Variants in PTPN12 observed in about 807,000 individuals in gnomAD.
PTPN12 encodes protein tyrosine phosphatase non-receptor type 12.
A neutral mutation model predicts 97.6 loss-of-function variants in PTPN12; 29 were observed. The observed-to-expected ratio is 0.30, with a 90% CI of 0.22 to 0.41. PTPN12 has a LOEUF of 0.41. PTPN12 is among the 10% of genes least tolerant of loss of function. The pLI is 1.00. For synonymous variants in PTPN12, 327 were observed against 300.4 expected (o/e 1.09, Z -0.91); for missense variants, 819 against 926.0 (o/e 0.88, Z 1.50).
chr7:77,595,323 T>C (rs1341091729), intron 6 of PTPN12, among the ~76,000 whole-genome samples: 1 of 152,202 alleles, frequency 6.6e-6, no homozygotes, highest in East Asian at 1.9e-4. Flanking sequence ...GGTAAAAATA[T>C]TCGTAGTAAG....
In PTPN12 at chr7:77,564,032, G is replaced by A. The variant is rs923673047; in HGVS notation, c.100-7046G>A. On this transcript the variant is annotated intron_variant, in intron 1 of 17. Coordinates refer to ENST00000248594, the MANE Select transcript of PTPN12 (RefSeq NM_002835.4). ...AGCTGGGACTACGGGCACACACCAC[G>A]AGGCTTGGCTAATTTTTGTATTTTT... 19 of 302,068 alleles carry A rather than the reference G, an allele frequency of 6.3e-5. 1 individual carries two copies. Among genetic ancestry groups the A allele is most frequent in the South Asian group, 3.9e-4 (16 of 41,078 alleles). The allele number at this position is 302,068 out of a possible 1,614,324, so 18.7% of individuals were successfully genotyped here.
chr7:77,620,374 T>C lies in PTPN12; in HGVS notation c.1025+1809T>C, dbSNP rs138526438. On this transcript the variant is annotated intron_variant, in intron 12 of 17. Coordinates refer to ENST00000248594, the MANE Select transcript of PTPN12 (RefSeq NM_002835.4). ...AAAAAATATTCAACTCAAGACAGAT[T>C]TTTATTAGGCATACATTCTAAAAGT... 2.0e-5 allele frequency among the ~76,000 whole-genome samples: 3 copies of C among 152,286 alleles called. No individual in the cohort carries two copies. In the East Asian group the frequency reaches 5.8e-4, roughly 29 times the overall value.
At chr7:77,597,798 G>T in intron 6 of PTPN12, 44 bp from the exon 7 acceptor site, 1 of 1,582,364 alleles carries the variant, frequency 6.3e-7, no homozygotes, top group Non-Finnish European at 8.6e-7. Flanking sequence ...GTGTCTTTTT[G>T]TTTTAACGTT....
intron 12 of PTPN12, among the ~76,000 whole-genome samples, chr7:77,620,879 C>T (rs1788909726): frequency 6.6e-6 from 1 of 152,000 alleles, no homozygotes; most frequent in Non-Finnish European, 1.5e-5. Flanking sequence ...ACCCAGGAAG[C>T]GAAGGTGCCA....
At chr7:77,628,616 T>C (rs1789286009) in intron 13 of PTPN12, among the ~76,000 whole-genome samples, 1 of 151,530 alleles carries the variant, frequency 6.6e-6, no homozygotes, top group Non-Finnish European at 1.5e-5. Flanking sequence ...AGTCTTGCAC[T>C]GTCACCCAGG....
chr7:77,595,400 C>T (rs987005401), intron 6 of PTPN12, among the ~76,000 whole-genome samples: 8 of 152,216 alleles, frequency 5.3e-5, no homozygotes, highest in South Asian at 4.1e-4. Flanking sequence ...AGCTCTCTCT[C>T]GATGTGGGAT....
At chr7:77,598,237 A>G (rs1245701301) in intron 7 of PTPN12, among the ~76,000 whole-genome samples, 1 of 151,762 alleles carries the variant, frequency 6.6e-6, no homozygotes, top group Non-Finnish European at 1.5e-5. Flanking sequence ...AATAGTTTTC[A>G]AAGAGAAGAC....
Position 77,632,387 on chromosome 7 carries a change from A to G in PTPN12, c.2036A>G (p.Glu679Gly). 1 of 1,611,692 alleles carries G rather than the reference A, an allele frequency of 6.2e-7. No individual in the cohort carries two copies. The highest frequency in any genetic ancestry group is 8.5e-7 in the Non-Finnish European group (1 of 1,177,918). The change falls in exon 14 of 18, where the codon GAA becomes GGA. Residue 679 changes from glutamate to glycine, a missense_variant. Physicochemically the swap from Glu to Gly is moderately conservative, Grantham distance 98. Transcript: ENST00000248594. Reference sequence around the variant, plus strand: ...GAAGATTCACCTCCTCCCCTACCTGAAAGAACTCCTGAATCGTTTGTGTTA... The same window carrying G: ...GAAGATTCACCTCCTCCCCTACCTGGAAGAACTCCTGAATCGTTTGTGTTA... ...VSEDSPPPLPERTPESFVLAS... is the reference protein window; with the variant it reads ...VSEDSPPPLPGRTPESFVLAS...
intron 1 of PTPN12, among the ~76,000 whole-genome samples, chr7:77,550,412 T>G (rs1005473023): frequency 6.6e-6 from 1 of 152,154 alleles, no homozygotes; most frequent in African/African-American, 2.4e-5. Flanking sequence ...AATTAAAATA[T>G]AAAGTTAATT....
At chr7:77,609,687 T>G in intron 9 of PTPN12, among the ~76,000 whole-genome samples, 1 of 151,524 alleles carries the variant, frequency 6.6e-6, no homozygotes. Flanking sequence ...GAGACCACCC[T>G]GGCTAACACG....
chr7:77,608,007 G>A (rs191724130), intron 9 of PTPN12, among the ~76,000 whole-genome samples: 23 of 152,230 alleles, frequency 1.5e-4, no homozygotes, highest in Middle Eastern at 3.4e-3. Flanking sequence ...CACTCATCTC[G>A]GCCTTCCAAA....
At chr7:77,612,055 C>T (rs1788588028) in intron 11 of PTPN12, among the ~76,000 whole-genome samples, 1 of 151,256 alleles carries the variant, frequency 6.6e-6, no homozygotes, top group African/African-American at 2.4e-5. Context: ...ATTGTTAAAC[C>T]AAGTATGAGA....
intron 17 of PTPN12, 49 bp from the exon 18 acceptor site, chr7:77,639,170 T>G: frequency 7.0e-7 from 1 of 1,421,140 alleles, no homozygotes; most frequent in East Asian, 2.3e-5. Flanking sequence ...TTTAGTAGTT[T>G]GAAAGTATTT....
chr7:77,555,346 T>C (rs1024739251), intron 1 of PTPN12, among the ~76,000 whole-genome samples: 1 of 152,140 alleles, frequency 6.6e-6, no homozygotes, highest in African/African-American at 2.4e-5. Flanking sequence ...GGGGAAATTT[T>C]CAATCATTAT....
At chr7:77,571,251 G>GT (rs1281079502) in intron 2 of PTPN12, 65 bp downstream of exon 2, 1 of 935,506 alleles carries the variant, frequency 1.1e-6, no homozygotes, top group Non-Finnish European at 1.6e-6. Context: ...AACCTAACTA[G>GT]TTTTATTCTT....
At chr7:77,548,658 C>T (rs912612605) in intron 1 of PTPN12, among the ~76,000 whole-genome samples, 1 of 152,118 alleles carries the variant, frequency 6.6e-6, no homozygotes, top group Non-Finnish European at 1.5e-5. Context: ...ACTTCCTACC[C>T]CCCTAGAGTA....
Position 77,627,685 on chromosome 7 carries a change from T to C in PTPN12, c.1996+10T>C, listed in dbSNP as rs778417014. The C allele has an allele frequency of 1.3e-6, 2 of 1,539,950 alleles. No homozygotes were observed. Among genetic ancestry groups the C allele is most frequent in the East Asian group, 2.3e-5 (1 of 44,214 alleles). On this transcript the variant is annotated intron_variant, in intron 13 of 17. Transcript: ENST00000248594. ...TCAGGTGCTGAAAAAGGTAATAATATAGTGTCAAATACTTAAATGTCTTTC... is the reference window on the plus strand; with the variant it reads ...TCAGGTGCTGAAAAAGGTAATAATACAGTGTCAAATACTTAAATGTCTTTC...
intron 8 of PTPN12, among the ~76,000 whole-genome samples, chr7:77,602,190 G>A (rs1481090775): frequency 6.6e-6 from 1 of 150,602 alleles, no homozygotes. Context: ...ATTCTAGAAG[G>A]GGGGTTAATG....
At chr7:77,542,328 T>TTGTA (rs1807017314) in intron 1 of PTPN12, among the ~76,000 whole-genome samples, 1 of 152,204 alleles carries the variant, frequency 6.6e-6, no homozygotes, top group South Asian at 2.1e-4. Flanking sequence ...GCTCCTTGAG[T>TTGTA]TGTACTCTGA....
Sources: allele counts gnomAD v4.1 joint callset (sites outside exome capture counted in the v4.1 genomes callset), GRCh38; gene constraint gnomAD v4.1.1; transcripts MANE v1.5; gene names NCBI Gene and HGNC (gene_info 2026-07-23, HGNC 2026-07-21).